Variants in PCDH11Y observed in about 807,000 individuals in gnomAD.
PCDH11Y encodes protocadherin 11 Y-linked.
For missense variants in PCDH11Y, 12 were observed against 224.8 expected, an observed-to-expected ratio of 0.05 and a Z score of 6.05; for synonymous variants, 9 against 83.6, an observed-to-expected ratio of 0.11 and a Z score of 4.87.
chrY:5,025,584 A>G (rs2052577746), intron 1 of PCDH11Y, among the ~76,000 whole-genome samples: 2 of 33,786 alleles, frequency 5.9e-5, no homozygotes, highest in East Asian at 1.5e-3. Context: ...CTTTTTACCA[A>G]ATAAGTCTTT....
At chrY:5,153,461 G>A in intron 2 of PCDH11Y, among the ~76,000 whole-genome samples, 1 of 32,773 alleles carries the variant, frequency 3.1e-5, no homozygotes, top group East Asian at 8.1e-4. Flanking sequence ...AAAAGAGCAG[G>A]CCTAAAATGA....
At chrY:5,347,898 C>T in intron 2 of PCDH11Y, among the ~76,000 whole-genome samples, 3 of 32,761 alleles carry the variant, frequency 9.2e-5, no homozygotes, top group African/African-American at 3.6e-4. Flanking sequence ...CTGTAAGTGT[C>T]GTTTCTCAGA....
intron 2 of PCDH11Y, among the ~76,000 whole-genome samples, chrY:5,422,601 C>T: frequency 3.1e-5 from 1 of 32,655 alleles, no homozygotes; most frequent in Non-Finnish European, 7.5e-5. Context: ...GTATATAGAC[C>T]GATGGAATAG....
intron 2 of PCDH11Y, among the ~76,000 whole-genome samples, chrY:5,381,086 T>C: frequency 3.1e-5 from 1 of 32,353 alleles, no homozygotes; most frequent in African/African-American, 1.2e-4. Context: ...CCTGTGACAT[T>C]TTTTATGACA....
At chrY:5,574,879 C>T in intron 3 of PCDH11Y, among the ~76,000 whole-genome samples, 1 of 32,931 alleles carries the variant, frequency 3.0e-5, no homozygotes, top group Non-Finnish European at 7.4e-5. Flanking sequence ...CAAACAAATT[C>T]ACATACCTAC....
chrY:5,533,769 A>G, intron 3 of PCDH11Y, among the ~76,000 whole-genome samples: 1 of 33,260 alleles, frequency 3.0e-5, no homozygotes, highest in Non-Finnish European at 7.4e-5. Flanking sequence ...TTAAGATACC[A>G]TCTCACTATT....
chrY:5,720,156 C>T (rs1602963962), intron 4 of PCDH11Y, among the ~76,000 whole-genome samples: 84 of 31,851 alleles, frequency 2.6e-3, no homozygotes, highest in Non-Finnish European at 5.3e-3. Flanking sequence ...AAGGGAGTTG[C>T]CTTGTCTCAG....
intron 2 of PCDH11Y, among the ~76,000 whole-genome samples, chrY:5,277,561 C>T (rs2053045673): frequency 3.0e-5 from 1 of 32,940 alleles, no homozygotes; most frequent in Non-Finnish European, 7.5e-5. Context: ...TTCCTCAGTA[C>T]GAAAAAAGAT....
chrY:5,416,852 T>A, intron 2 of PCDH11Y, among the ~76,000 whole-genome samples: 1 of 32,995 alleles, frequency 3.0e-5, no homozygotes, highest in African/African-American at 1.2e-4. Context: ...AAAATCAGAG[T>A]TTATTGGCTA....
At chrY:5,046,487 A>G (rs2052639983) in intron 3 of PCDH11Y, among the ~76,000 whole-genome samples, 6 of 33,786 alleles carry the variant, frequency 1.8e-4, no homozygotes, top group Non-Finnish European at 3.7e-4. Context: ...CTCCAGCTGC[A>G]TACTGGGAGA....
At chrY:5,200,409 G>A in intron 2 of PCDH11Y, among the ~76,000 whole-genome samples, 2 of 32,035 alleles carry the variant, frequency 6.2e-5, no homozygotes, top group Non-Finnish European at 1.5e-4. Context: ...TTAAGACTGG[G>A]AGTCACAATC....
chrY:5,433,560 T>C, intron 2 of PCDH11Y, among the ~76,000 whole-genome samples: 2 of 34,229 alleles, frequency 5.8e-5, no homozygotes, highest in Non-Finnish European at 1.5e-4. Flanking sequence ...TTAAATAATT[T>C]GGATTGAATT....
intron 2 of PCDH11Y, among the ~76,000 whole-genome samples, chrY:5,360,330 CGTGTGT>C (rs554505426): frequency 3.8e-4 from 9 of 23,620 alleles, no homozygotes; most frequent in African/African-American, 8.2e-4. Flanking sequence ...GAAGTGTGTG[CGTGTGT>C]GTGTGTGTGT....
chrY:5,644,761 G>A (rs2124705442), intron 4 of PCDH11Y, among the ~76,000 whole-genome samples: 1 of 28,564 alleles, frequency 3.5e-5, no homozygotes, highest in Admixed American at 3.3e-4. Context: ...TTGAACCCAG[G>A]AGGCAGAGGT....
chrY:5,056,935 G>A, exon 1 of PCDH11Y: 1 of 398,331 alleles, frequency 2.5e-6, no homozygotes, highest in Non-Finnish European at 3.5e-6. Context: ...TTTGTTGTCC[G>A]GGACGTACAT....
At chrY:5,051,782 T>C (rs2052653027), upstream of PCDH11Y, among the ~76,000 whole-genome samples, 54 of 33,666 alleles carry the variant, frequency 1.6e-3, no homozygotes, top group African/African-American at 6.1e-3. Context: ...GCAAGCTGTT[T>C]GTGGAATAAA....
intron 3 of PCDH11Y, among the ~76,000 whole-genome samples, chrY:5,505,676 A>G: frequency 3.0e-5 from 1 of 33,096 alleles, no homozygotes; most frequent in Non-Finnish European, 7.6e-5. Context: ...TTTGACATTC[A>G]TTTTTATTTC....
intron 4 of PCDH11Y, among the ~76,000 whole-genome samples, chrY:5,646,987 T>C (rs2053527709): frequency 3.0e-5 from 1 of 33,838 alleles, no homozygotes; most frequent in South Asian, 6.5e-4. Flanking sequence ...TGAGTATTTC[T>C]TGGGAAGAAC....
chrY:5,335,979 G>A, intron 2 of PCDH11Y, among the ~76,000 whole-genome samples: 8 of 31,589 alleles, frequency 2.5e-4, no homozygotes, highest in Admixed American at 1.8e-3. Context: ...AATGCTACTC[G>A]ATTAAAATAA....
Sources: allele counts gnomAD v4.1 joint callset (sites outside exome capture counted in the v4.1 genomes callset), GRCh38; gene constraint gnomAD v4.1.1; transcripts MANE v1.5; gene names NCBI Gene and HGNC (gene_info 2026-07-23, HGNC 2026-07-21).